Variants in RPF2 observed in about 807,000 individuals in gnomAD.
RPF2 encodes the protein brix domain containing 1.
In RPF2, 21 loss-of-function variants were observed where a neutral mutation model predicts 38.9. The observed-to-expected ratio is 0.54, with a 90% CI of 0.38 to 0.78. The LOEUF is 0.78. Ranked by LOEUF, RPF2 falls within the 30% of genes least tolerant of loss-of-function variation. The probability of loss-of-function intolerance (pLI) is 0.00; values close to 1 mark genes in which losing one functional copy is unlikely to be tolerated. For synonymous variants in RPF2, 121 were observed against 126.2 expected, an observed-to-expected ratio of 0.96 and a Z score of 0.28; for missense variants, 314 against 358.1, an observed-to-expected ratio of 0.88 and a Z score of 0.99.
intron 8 of RPF2, 45 bp downstream of exon 8, chr6:111,015,901 G>A (rs778989146): frequency 1.4e-5 from 19 of 1,379,878 alleles, no homozygotes; most frequent in Non-Finnish European, 1.9e-5. Context: ...CAGGGTTAGT[G>A]TTTAAAACTG....
Position 110,991,787 on chromosome 6 carries a change from G to C in RPF2, c.234+1G>C. On this transcript the variant is annotated splice_donor_variant, in intron 4 of 9. Transcript: ENST00000441448. LOFTEE classifies it high-confidence loss of function. The stretch of plus-strand genomic sequence containing the variant: ...ACCTTTTGAGGATCAGACATCACTG[G>C]TAAGTATAATAATCTTTATGATTTA... 8.5e-7 allele frequency: 1 copy of C among 1,173,416 alleles called. No individual in the cohort carries two copies. The highest frequency in any genetic ancestry group is 1.2e-6 in the Non-Finnish European group (1 of 833,976). The allele number at this position is 1,173,416 out of a possible 1,614,324, so 72.7% of individuals were successfully genotyped here.
At position 111,017,897 on chromosome 6, in the gene RPF2, C is replaced by T. The variant is rs566024924; in HGVS notation, c.596+2041C>T. On this transcript the variant is annotated intron_variant, in intron 8 of 9. Transcript: ENST00000441448. ...TGGAGGTTGTAGCTAGCCGAGATCA[C>T]GCCACTGCACTCCAGCCTGGGCAAC... 5.4e-4 allele frequency among the ~76,000 whole-genome samples: 79 copies of T among 145,040 alleles called. 1 individual carries two copies. The highest frequency in any genetic ancestry group is 3.6e-3 in the Middle Eastern group (1 of 280).
intron 4 of RPF2, among the ~76,000 whole-genome samples, chr6:110,996,729 AT>A (rs1165750355): frequency 2.0e-5 from 3 of 152,060 alleles, no homozygotes; most frequent in Non-Finnish European, 2.9e-5. Flanking sequence ...TTTCCTCTGT[AT>A]TTTTCTTTCT....
At chr6:110,997,922 C>T (rs1242073172) in intron 5 of RPF2, among the ~76,000 whole-genome samples, 1 of 147,938 alleles carries the variant, frequency 6.8e-6, no homozygotes, top group Non-Finnish European at 1.5e-5. Flanking sequence ...TTTCCTGAGA[C>T]GGAGTCTTGG....
intron 7 of RPF2, among the ~76,000 whole-genome samples, chr6:111,009,159 C>T (rs542050814): frequency 1.8e-4 from 27 of 152,118 alleles, no homozygotes; most frequent in African/African-American, 6.0e-4. Context: ...GGGTTCACAC[C>T]GTTCTCCTTC....
chr6:110,986,989 T>C (rs1289635229), intron 2 of RPF2, among the ~76,000 whole-genome samples: 1 of 151,442 alleles, frequency 6.6e-6, no homozygotes, highest in East Asian at 1.9e-4. Context: ...TGTGGAGATA[T>C]CTAGTAGGTT....
At chr6:111,018,150 G>C (rs919251985) in intron 8 of RPF2, among the ~76,000 whole-genome samples, 4 of 151,504 alleles carry the variant, frequency 2.6e-5, no homozygotes, top group South Asian at 2.1e-4. Context: ...TGCAGTGAGC[G>C]GAGATGGCAG....
chr6:111,023,895 G>A (rs1252116597), intron 8 of RPF2, among the ~76,000 whole-genome samples: 1 of 152,090 alleles, frequency 6.6e-6, no homozygotes, highest in African/African-American at 2.4e-5. Flanking sequence ...GGCTGAGGCA[G>A]GAGAATGGCG....
chr6:111,011,308 C>CT (rs113226329), intron 7 of RPF2, among the ~76,000 whole-genome samples: 2,248 of 88,268 alleles, frequency 0.025, 27 homozygotes, highest in South Asian at 0.048. Context: ...TTCTTTCTTT[C>CT]TTTTTTTTTT....
At chr6:111,009,907 T>C (rs6932609) in intron 7 of RPF2, among the ~76,000 whole-genome samples, 19,613 of 151,512 alleles carry the variant, frequency 0.13, 1,758 homozygotes, top group East Asian at 0.5. Flanking sequence ...CTTCAGGGCT[T>C]AAGCAATCCT....
chr6:111,021,983 G>A (rs1772242080), intron 8 of RPF2, among the ~76,000 whole-genome samples: 1 of 152,164 alleles, frequency 6.6e-6, no homozygotes, highest in Non-Finnish European at 1.5e-5. Context: ...TAGTGTTATT[G>A]ACCACTGTTC....
intron 3 of RPF2, among the ~76,000 whole-genome samples, chr6:110,991,055 T>C (rs1279943910): frequency 6.6e-6 from 1 of 152,168 alleles, no homozygotes; most frequent in Non-Finnish European, 1.5e-5. Flanking sequence ...AACCTCCCCT[T>C]ATTAAAATCT....
chr6:110,983,505 A>G (rs1771467131), intron 1 of RPF2, among the ~76,000 whole-genome samples: 1 of 151,900 alleles, frequency 6.6e-6, no homozygotes, highest in Non-Finnish European at 1.5e-5. Context: ...ACACCACCAC[A>G]GCTAATTTTT....
At chr6:111,023,002 G>A (rs1201873030) in intron 8 of RPF2, among the ~76,000 whole-genome samples, 2 of 152,204 alleles carry the variant, frequency 1.3e-5, no homozygotes, top group East Asian at 1.9e-4. Flanking sequence ...GGGTTTAAGC[G>A]ATTCTCCTGC....
chr6:110,991,801 CT>C lies in RPF2; in HGVS notation c.234+18del. On this transcript the variant is annotated intron_variant, in intron 4 of 9. Coordinates refer to ENST00000441448, the MANE Select transcript of RPF2 (RefSeq NM_032194.3). ...AGACATCACTGGTAAGTATAATAAT[CT>C]TTATGATTTAAGAAAGCATATAAGT... The C allele has an allele frequency of 9.3e-7, 1 of 1,072,446 alleles. No homozygotes were observed. The highest frequency in any genetic ancestry group is 1.3e-6 in the Non-Finnish European group (1 of 752,052). The allele number at this position is 1,072,446 out of a possible 1,614,324, so 66.4% of individuals were successfully genotyped here.
intron 5 of RPF2, among the ~76,000 whole-genome samples, chr6:110,998,890 A>G (rs1005874516): frequency 1.3e-5 from 2 of 151,370 alleles, no homozygotes; most frequent in African/African-American, 4.9e-5. Context: ...GGTTGCAGTG[A>G]GCCGAGATCA....
intron 3 of RPF2, among the ~76,000 whole-genome samples, chr6:110,990,241 G>A (rs978883296): frequency 4.0e-5 from 6 of 148,404 alleles, no homozygotes; most frequent in African/African-American, 1.5e-4. Flanking sequence ...CCCGGCCCTA[G>A]TTTTCCTTTT....
At chr6:111,015,701 G>A in intron 7 of RPF2, 53 bp from the exon 8 acceptor site, 2 of 1,260,022 alleles carry the variant, frequency 1.6e-6, no homozygotes, top group Non-Finnish European at 2.3e-6. Flanking sequence ...CTTTGTAACT[G>A]AATTTTGCAA....
rs767989367 is a variant in RPF2 at position 111,024,311 on chromosome 6, T to C, written c.725T>C (p.Met242Thr). ...GACCTTTATAAATTATCTATGAAAATGCCAAAAGCTCTCAAGGTATATAAC... is the reference window on the plus strand; with the variant it reads ...GACCTTTATAAATTATCTATGAAAACGCCAAAAGCTCTCAAGGTATATAAC... ...SDDLYKLSMKMPKALKPKKKK... is the reference protein window; with the variant it reads ...SDDLYKLSMKTPKALKPKKKK... The change falls in exon 9 of 10, where the codon ATG (methionine) becomes ACG (threonine). Residue 242 changes from methionine (M) to threonine (T), a missense_variant. Met to Thr is a moderately conservative substitution (Grantham distance 81). Coordinates refer to ENST00000441448, the MANE Select transcript of RPF2 (RefSeq NM_032194.3). The C allele has an allele frequency of 6.2e-7, 1 of 1,611,220 alleles. No individual in the cohort carries two copies. The highest frequency in any genetic ancestry group is 1.1e-5 in the South Asian group (1 of 90,540).
Sources: allele counts gnomAD v4.1 joint callset (sites outside exome capture counted in the v4.1 genomes callset), GRCh38; gene constraint gnomAD v4.1.1; transcripts MANE v1.5; gene names NCBI Gene and HGNC (gene_info 2026-07-23, HGNC 2026-07-21).